Variants in CSMD2 observed in about 807,000 individuals in gnomAD.
The protein encoded by CSMD2 is CUB and sushi domain-containing protein 2.
CSMD2 carries 130 observed loss-of-function variants against 398.5 expected under a neutral mutation model. The ratio of observed to expected loss-of-function variants is 0.33; its 90% confidence interval spans 0.28 to 0.38. CSMD2 has a LOEUF of 0.38. CSMD2 is among the 10% of genes least tolerant of loss of function. CSMD2 has a pLI of 1.00. For missense variants in CSMD2, 3,829 were observed against 4,764.9 expected (o/e 0.80, Z 5.78); for synonymous variants, 1,828 against 1,908.5 (o/e 0.96, Z 1.10).
At chr1:33,928,408 G>A (rs544869144) in intron 4 of CSMD2, among the ~76,000 whole-genome samples, 43 of 152,338 alleles carry the variant, frequency 2.8e-4, no homozygotes, top group African/African-American at 9.9e-4. Flanking sequence ...CAGTGAGAAT[G>A]ACAATGATAG....
chr1:34,061,347 C>T lies in CSMD2; in HGVS notation c.404+27630G>A, dbSNP rs147554691. ...AGACTGTGCTCTGATGGCTGTCCAT[C>T]CTTGGCTGATCCAGACTTTGGATTG... On this transcript the variant is annotated intron_variant, in intron 2 of 70. Coordinates refer to ENST00000373381, the MANE Select transcript of CSMD2 (RefSeq NM_001281956.2). Among the ~76,000 whole-genome samples the T allele has an allele frequency of 2.6e-3, 402 of 152,300 alleles. 1 individual carries two copies. Among genetic ancestry groups the T allele is most frequent in the South Asian group, 7.0e-3 (34 of 4,828 alleles).
intron 13 of CSMD2, among the ~76,000 whole-genome samples, chr1:33,749,200 GC>G (rs1203842169): frequency 1.4e-5 from 2 of 138,872 alleles, no homozygotes; most frequent in Non-Finnish European, 3.0e-5. Flanking sequence ...CCAGGTTCAC[GC>G]CATTCTCTTG....
intron 3 of CSMD2, among the ~76,000 whole-genome samples, chr1:33,994,598 G>A (rs1646667594): frequency 6.6e-6 from 1 of 152,078 alleles, no homozygotes; most frequent in South Asian, 2.1e-4. Flanking sequence ...CCCAGCACAT[G>A]GTAGATATTC....
At chr1:33,956,768 C>T (rs143510251) in intron 3 of CSMD2, among the ~76,000 whole-genome samples, 2 of 152,274 alleles carry the variant, frequency 1.3e-5, no homozygotes, top group Non-Finnish European at 2.9e-5. Context: ...ACTGAGCTCC[C>T]TGATTCCACT....
intron 25 of CSMD2, among the ~76,000 whole-genome samples, chr1:33,672,360 C>A (rs1415618511): frequency 1.3e-5 from 2 of 152,010 alleles, no homozygotes; most frequent in African/African-American, 2.4e-5. Context: ...GCCCACGGAG[C>A]CTTGCTAGCA....
At chr1:33,693,958 C>T (rs1645328587) in intron 24 of CSMD2, among the ~76,000 whole-genome samples, 1 of 152,070 alleles carries the variant, frequency 6.6e-6, no homozygotes, top group Non-Finnish European at 1.5e-5. Flanking sequence ...ACTCAGGAGG[C>T]TGAGGTAGGA....
rs766940704 is a variant in CSMD2 at position 34,007,159 on chromosome 1, A to G, written c.517+25435T>C. Among the ~76,000 whole-genome samples the G allele has an allele frequency of 1.4e-3, 208 of 152,116 alleles. 1 individual carries two copies. The highest frequency in any genetic ancestry group is 3.4e-3 in the Middle Eastern group (1 of 294). On this transcript the variant is annotated intron_variant, in intron 3 of 70. Coordinates refer to ENST00000373381, the MANE Select transcript of CSMD2 (RefSeq NM_001281956.2). ...CAGAGGACTGGCCCGCCTCGACCTG[A>G]AGCTCCCTCTCTGTCTCCAGGACTC...
At chr1:33,686,818 T>C (rs1438793147) in intron 25 of CSMD2, among the ~76,000 whole-genome samples, 2 of 152,184 alleles carry the variant, frequency 1.3e-5, no homozygotes, top group Non-Finnish European at 2.9e-5. Context: ...CTAGCACACA[T>C]GCTCCCACCC....
intron 1 of CSMD2, among the ~76,000 whole-genome samples, chr1:34,161,938 C>A (rs1376681892): frequency 6.6e-6 from 1 of 151,796 alleles, no homozygotes; most frequent in African/African-American, 2.4e-5. Flanking sequence ...TTTGGGAGGG[C>A]AAGGTGGGCA....
At position 33,624,389 on chromosome 1, in the gene CSMD2, C is replaced by A; in HGVS notation, c.5625+130G>T. 8.4e-7 allele frequency: 1 copy of A among 1,186,690 alleles called. No individual in the cohort carries two copies. Among genetic ancestry groups the A allele is most frequent in the South Asian group, 1.4e-5 (1 of 70,790 alleles). The allele number at this position is 1,186,690 out of a possible 1,614,324, so 73.5% of individuals were successfully genotyped here. ...CTTAGCCGCAGGGGCAGGTACAGGG[C>A]TGATATGTCTCTTCCTGGCTCACCC... On this transcript the variant is annotated intron_variant, in intron 35 of 70. Transcript: ENST00000373381. This position sits in a 1 kb window ranked among gnomAD's most constrained non-coding sequence, Gnocchi z 4.7.
chr1:34,100,796 G>A (rs1372735415), intron 1 of CSMD2, among the ~76,000 whole-genome samples: 1 of 152,190 alleles, frequency 6.6e-6, no homozygotes, highest in African/African-American at 2.4e-5. Flanking sequence ...GTTAGATCTG[G>A]TGATAGGATG....
At chr1:33,861,743 A>T (rs1202791628) in intron 5 of CSMD2, among the ~76,000 whole-genome samples, 1 of 152,196 alleles carries the variant, frequency 6.6e-6, no homozygotes, top group African/African-American at 2.4e-5. Flanking sequence ...AGAGGCTCAT[A>T]AAAGTAGAGT....
intron 15 of CSMD2, among the ~76,000 whole-genome samples, chr1:33,738,643 T>C (rs918039819): frequency 6.6e-6 from 1 of 152,094 alleles, no homozygotes; most frequent in African/African-American, 2.4e-5. Flanking sequence ...CTGAGTCTCC[T>C]GGAGACTGAC....
Position 33,633,558 on chromosome 1 carries a change from G to A in CSMD2, c.5087-23C>T. On this transcript the variant is annotated intron_variant, in intron 31 of 70. Coordinates refer to ENST00000373381, the MANE Select transcript of CSMD2 (RefSeq NM_001281956.2). The surrounding 1 kb of genome is among the most constrained non-coding windows in gnomAD (Gnocchi z 5.0). ...CCACTGTGGAGGAGACACAGTGTGGGGACTGGGCAGGCACGCTGGGGGCAG... is the reference window on the plus strand; with the variant it reads ...CCACTGTGGAGGAGACACAGTGTGGAGACTGGGCAGGCACGCTGGGGGCAG... 2.0e-6 allele frequency: 3 copies of A among 1,518,228 alleles called. No individual in the cohort carries two copies. The highest frequency in any genetic ancestry group is 1.2e-5 in the South Asian group (1 of 83,360). 94.0% of individuals were successfully genotyped at this position (1,518,228 alleles called of 1,614,324 possible).
At chr1:33,977,511 A>G (rs1043150284) in intron 3 of CSMD2, among the ~76,000 whole-genome samples, 6 of 152,060 alleles carry the variant, frequency 3.9e-5, no homozygotes, top group Middle Eastern at 3.4e-3. Context: ...CACCTGCTCA[A>G]AGCCCTCAGT....
intron 5 of CSMD2, among the ~76,000 whole-genome samples, chr1:33,900,935 T>C (rs143394546): frequency 1.7e-4 from 26 of 152,320 alleles, no homozygotes; most frequent in African/African-American, 6.0e-4. Context: ...AGAGGACAGA[T>C]TGCATCAAAG....
chr1:33,922,393 C>G (rs886917725), intron 4 of CSMD2, among the ~76,000 whole-genome samples: 1 of 152,180 alleles, frequency 6.6e-6, no homozygotes, highest in Non-Finnish European at 1.5e-5. Flanking sequence ...GGAGCAGGCA[C>G]AGCCACTCTG....
At chr1:34,080,648 A>C (rs1558348863) in intron 2 of CSMD2, among the ~76,000 whole-genome samples, 1 of 152,144 alleles carries the variant, frequency 6.6e-6, no homozygotes, top group Admixed American at 6.5e-5. Flanking sequence ...AATAACAACT[A>C]GCCATAAAAA....
At chr1:33,600,818 G>C in intron 44 of CSMD2, 47 bp downstream of exon 44, 1 of 1,602,858 alleles carries the variant, frequency 6.2e-7, no homozygotes, top group Non-Finnish European at 8.5e-7. Flanking sequence ...GCTCAGCCTT[G>C]ACTTGAAAGC....
Sources: allele counts gnomAD v4.1 joint callset (sites outside exome capture counted in the v4.1 genomes callset), GRCh38; gene constraint gnomAD v4.1.1; non-coding constraint Gnocchi (gnomAD v3.1); transcripts MANE v1.5; gene names NCBI Gene and HGNC (gene_info 2026-07-23, HGNC 2026-07-21).